Variants in TANK observed in about 807,000 individuals in gnomAD.
TANK encodes the protein TRAF family member associated NFKB activator.
TANK carries 15 observed loss-of-function variants against 43.6 expected under a neutral mutation model. The ratio of observed to expected loss-of-function variants is 0.34; its 90% CI spans 0.23 to 0.53. The LOEUF (loss-of-function observed/expected upper bound fraction) is 0.53, where lower values mean the gene tolerates loss of function less well. TANK is among the 20% of genes least tolerant of loss of function. The probability of loss-of-function intolerance (pLI) is 0.94; values close to 1 mark genes in which losing one functional copy is unlikely to be tolerated. For missense variants in TANK, 417 were observed against 498.6 expected (o/e 0.84, Z 1.56); for synonymous variants, 162 against 178.2 (o/e 0.91, Z 0.73).
intron 1 of TANK, among the ~76,000 whole-genome samples, chr2:161,175,924 GC>G (rs1420936316): frequency 2.6e-5 from 4 of 152,258 alleles, no homozygotes; most frequent in Non-Finnish European, 4.4e-5. Context: ...CATTGAGCTA[GC>G]CCTGCTACCT....
intron 3 of TANK, 21 bp from the exon 4 acceptor site, chr2:161,204,654 C>A (rs1257003919): frequency 6.3e-7 from 1 of 1,593,186 alleles, no homozygotes; most frequent in South Asian, 1.1e-5. Context: ...TGCTAATGTC[C>A]AAGAGGTTTT....
intron 4 of TANK, chr2:161,216,476 G>T (rs769014724): frequency 6.6e-6 from 3 of 454,262 alleles, no homozygotes; most frequent in Middle Eastern, 6.7e-4. Context: ...TGATAAAGCT[G>T]AATCTAAAAC....
intron 4 of TANK, among the ~76,000 whole-genome samples, chr2:161,218,704 CA>C (rs1687221373): frequency 6.6e-6 from 1 of 152,196 alleles, no homozygotes; most frequent in South Asian, 2.1e-4. Flanking sequence ...ATAAGTAATA[CA>C]TGCAAATTGC....
intron 2 of TANK, among the ~76,000 whole-genome samples, chr2:161,189,008 G>A (rs1685795802): frequency 6.6e-6 from 1 of 152,176 alleles, no homozygotes; most frequent in Non-Finnish European, 1.5e-5. Context: ...TGGTGTCTTA[G>A]TTTTGGATTT....
chr2:161,164,134 A>T (rs1207691153), intron 1 of TANK, among the ~76,000 whole-genome samples: 1 of 152,184 alleles, frequency 6.6e-6, no homozygotes, highest in Admixed American at 6.5e-5. Context: ...CCTATGATGA[A>T]AGAAGACTGC....
upstream of TANK, among the ~76,000 whole-genome samples, chr2:161,158,008 C>G (rs1293781491): frequency 6.6e-6 from 1 of 151,968 alleles, no homozygotes; most frequent in Non-Finnish European, 1.5e-5. Context: ...CTTTTAAAGG[C>G]CTGCAATTCC....
chr2:161,181,140 G>A (rs898585053), intron 2 of TANK, among the ~76,000 whole-genome samples: 2 of 152,158 alleles, frequency 1.3e-5, no homozygotes, highest in East Asian at 3.9e-4. Flanking sequence ...CTACTTGACG[G>A]CCATGCATGG....
rs563235459 is a variant in TANK, at chr2:161,188,157, C to T, written c.99+8396C>T. Among the ~76,000 whole-genome samples, 263 of 151,774 alleles carry T rather than the reference C, an allele frequency of 1.7e-3. 1 individual carries two copies. The highest frequency in any genetic ancestry group is 3.4e-3 in the Middle Eastern group (1 of 292). ...ATGCCTGAAGAAACTAGAGAAAGAA[C>T]TAAACCCAAAACTAGCATAAAGAAG... On this transcript the variant is annotated intron_variant, in intron 2 of 7. Transcript: ENST00000392749.
intron 7 of TANK, among the ~76,000 whole-genome samples, chr2:161,232,136 T>C (rs1001447570): frequency 5.9e-5 from 9 of 152,166 alleles, no homozygotes; most frequent in African/African-American, 2.2e-4. Context: ...TCTCTGCATG[T>C]GTATGATATC....
intron 1 of TANK, chr2:161,138,092 G>A (rs1683640130): frequency 5.9e-6 from 2 of 339,006 alleles, no homozygotes; most frequent in South Asian, 2.4e-4. Context: ...CATCTCCTTG[G>A]ACCATTTAAA....
intron 4 of TANK, among the ~76,000 whole-genome samples, chr2:161,213,599 C>CA (rs534652154): frequency 0.054 from 2,910 of 54,152 alleles, 107 homozygotes; most frequent in African/African-American, 0.15. Context: ...GACTTTGTCT[C>CA]AAAAAAAAAA....
chr2:161,235,372 A>G lies in TANK; in HGVS notation c.1132A>G (p.Ser378Gly). 3.1e-6 allele frequency: 5 copies of G among 1,610,076 alleles called. No individual in the cohort carries two copies. The highest frequency in any genetic ancestry group is 4.2e-6 in the Non-Finnish European group (5 of 1,178,464). ...TTGGAAGCCCTTTCCTAATCAAGAC[A>G]GTGACTCGGTGGTACTAAGTGGCAC... ...PIWKPFPNQD[S>G]DSVVLSGTDS... The change falls in exon 8 of 8, where the codon AGT becomes GGT. Residue 378 changes from serine (S) to glycine (G), a missense_variant. Ser to Gly is a moderately conservative substitution (Grantham distance 56, BLOSUM62 0). Transcript: ENST00000392749.
Position 161,223,182 on chromosome 2 carries a change from C to A in TANK, c.328-733C>A, listed in dbSNP as rs374871884. Reference sequence around the variant, plus strand: ...GTATTAGGATTCTTCAAATCCTTTTCAGTTTATAAGCTTTAGAAAGTACAC... The same window carrying A: ...GTATTAGGATTCTTCAAATCCTTTTAAGTTTATAAGCTTTAGAAAGTACAC... On this transcript the variant is annotated intron_variant, in intron 4 of 7. Coordinates refer to ENST00000392749, the MANE Select transcript of TANK (RefSeq NM_001199135.3). The A allele has an allele frequency of 3.9e-5, 6 of 151,988 alleles. No homozygotes were observed. In the East Asian group the frequency reaches 5.8e-4, roughly 15 times the overall value. The allele number at this position is 151,988 out of a possible 1,614,324, so 9.4% of individuals were successfully genotyped here. A position where few individuals can be genotyped will look rare whatever the true frequency, so the allele number is the denominator to read the frequency against.
rs557489360 is a variant in TANK, at chr2:161,168,702, G to A, written c.-50+8216G>A. Among the ~76,000 whole-genome samples the A allele has an allele frequency of 1.2e-4, 18 of 152,190 alleles. No homozygotes were observed. In the South Asian group the frequency reaches 1.7e-3, roughly 14 times the overall value. ...ACAAAAATTAGCTGGGTGTGGTGGC[G>A]TGCGCCTGTAATCCCAGCTACTGGG... On this transcript the variant is annotated intron_variant, in intron 1 of 7. Transcript: ENST00000392749.
intron 1 of TANK, among the ~76,000 whole-genome samples, chr2:161,154,018 G>A (rs971255468): frequency 6.6e-6 from 1 of 152,186 alleles, no homozygotes; most frequent in Non-Finnish European, 1.5e-5. Flanking sequence ...TCTGCCTAGT[G>A]AGTATAAGTT....
At chr2:161,215,550 A>G (rs1687080513) in intron 4 of TANK, among the ~76,000 whole-genome samples, 2 of 152,170 alleles carry the variant, frequency 1.3e-5, no homozygotes, top group Admixed American at 1.3e-4. Context: ...TAGGACTATG[A>G]AGTGCTGCAT....
At chr2:161,149,840 TG>T (rs1684023926) in intron 1 of TANK, among the ~76,000 whole-genome samples, 2 of 152,240 alleles carry the variant, frequency 1.3e-5, no homozygotes, top group East Asian at 3.9e-4. Flanking sequence ...AAATCACACT[TG>T]ATCATGATGT....
chr2:161,179,368 T>C, intron 1 of TANK: 1 of 386,750 alleles, frequency 2.6e-6, no homozygotes. Flanking sequence ...ATTAGTATTC[T>C]CAAAGTAGCA....
At chr2:161,230,825 T>C (rs947195498) in intron 6 of TANK, 146 bp from the exon 7 acceptor site, 5 of 660,836 alleles carry the variant, frequency 7.6e-6, no homozygotes, top group African/African-American at 7.3e-5. Context: ...CTGTGTAAGA[T>C]GGTAGCAAAT....
Sources: gnomAD v4.1 joint callset for allele counts (sites outside exome capture counted in the v4.1 genomes callset) on GRCh38, gnomAD v4.1.1 for gene constraint, MANE v1.5 for transcripts, NCBI Gene and HGNC (gene_info 2026-07-23, HGNC 2026-07-21) for gene names.